Variants in PPARGC1A observed in about 807,000 individuals in gnomAD.
PPARGC1A encodes the protein PPARG coactivator 1 alpha.
PPARGC1A carries 25 observed loss-of-function variants against 88.7 expected under a neutral mutation model. That is an observed-to-expected ratio of 0.28 (90% CI 0.21 to 0.39). The LOEUF (loss-of-function observed/expected upper bound fraction) is 0.39. Among genes scored for constraint, PPARGC1A ranks in the 10% least tolerant of loss-of-function variants. The pLI is 1.00. For synonymous variants in PPARGC1A, 363 were observed against 355.6 expected (o/e 1.02, Z -0.24); for missense variants, 880 against 968.7 (o/e 0.91, Z 1.22).
At chr4:24,132,506 T>C in the PPARGC1A span, among the ~76,000 whole-genome samples, 1 of 152,158 alleles carries the variant, frequency 6.6e-6, no homozygotes, top group African/African-American at 2.4e-5. Context: ...ACCATCACAT[T>C]GTTTAGTCAG....
At chr4:24,136,563 T>G in the PPARGC1A span, among the ~76,000 whole-genome samples, 4,943 of 152,216 alleles carry the variant, frequency 0.032, 221 homozygotes, top group East Asian at 0.099. Context: ...AGGGGTCGCC[T>G]TCAGCAGAAG....
the PPARGC1A span, among the ~76,000 whole-genome samples, chr4:24,272,018 G>A: frequency 1.3e-5 from 2 of 152,106 alleles, no homozygotes; most frequent in Non-Finnish European, 2.9e-5. Flanking sequence ...GTGGAGGTGT[G>A]CTGACTGTTA....
At chr4:24,472,042 G>A in the PPARGC1A span, among the ~76,000 whole-genome samples, 1 of 152,184 alleles carries the variant, frequency 6.6e-6, no homozygotes, top group Non-Finnish European at 1.5e-5. This position sits in a 1 kb window ranked among gnomAD's most constrained non-coding sequence, Gnocchi z 4.5. Context: ...GGTTGCGCTC[G>A]AGTTCCCTGG....
At chr4:24,369,760 C>G in the PPARGC1A span, among the ~76,000 whole-genome samples, 1 of 152,230 alleles carries the variant, frequency 6.6e-6, no homozygotes, top group African/African-American at 2.4e-5. Flanking sequence ...GAAGGCACAA[C>G]TGCCCCATCA....
the PPARGC1A span, among the ~76,000 whole-genome samples, chr4:24,208,675 G>GGAAAA: frequency 1.6e-5 from 2 of 126,124 alleles, no homozygotes; most frequent in African/African-American, 2.9e-5. Context: ...ACCAAACTCA[G>GGAAAA]AAAAAAAATA....
At chr4:24,192,782 T>A in the PPARGC1A span, among the ~76,000 whole-genome samples, 1 of 152,204 alleles carries the variant, frequency 6.6e-6, no homozygotes, top group Non-Finnish European at 1.5e-5. Flanking sequence ...CTGTATCCTA[T>A]TTTTATACAT....
chr4:24,156,212 T>C, the PPARGC1A span, among the ~76,000 whole-genome samples: 1 of 152,174 alleles, frequency 6.6e-6, no homozygotes, highest in African/African-American at 2.4e-5. Flanking sequence ...TTTTGGGATA[T>C]ATAACACAGG....
At chr4:23,797,505 T>G (rs1340369881) in intron 12 of PPARGC1A, among the ~76,000 whole-genome samples, 2 of 152,196 alleles carry the variant, frequency 1.3e-5, no homozygotes, top group East Asian at 3.8e-4. Context: ...CACACATACC[T>G]TTCCTTGAGG....
At chr4:24,190,121 G>A in the PPARGC1A span, among the ~76,000 whole-genome samples, 4 of 152,104 alleles carry the variant, frequency 2.6e-5, no homozygotes, top group African/African-American at 7.2e-5. Flanking sequence ...GTCAGTAATC[G>A]GCTTCTTTGC....
the PPARGC1A span, among the ~76,000 whole-genome samples, chr4:23,960,607 A>T: frequency 5.3e-5 from 8 of 152,236 alleles, 1 homozygote; most frequent in South Asian, 1.7e-3. Flanking sequence ...TTATCCTGTG[A>T]AAATGACTAC....
At chr4:24,226,443 G>A in the PPARGC1A span, among the ~76,000 whole-genome samples, 1 of 152,230 alleles carries the variant, frequency 6.6e-6, no homozygotes, top group African/African-American at 2.4e-5. Flanking sequence ...GAGACATGAA[G>A]AGAGGGAAGG....
At chr4:24,365,753 G>A in the PPARGC1A span, among the ~76,000 whole-genome samples, 5 of 151,944 alleles carry the variant, frequency 3.3e-5, no homozygotes, top group African/African-American at 9.7e-5. Context: ...GTCTTTATTA[G>A]CAATAGTTTT....
At chr4:23,926,763 G>C in the PPARGC1A span, among the ~76,000 whole-genome samples, 1 of 152,134 alleles carries the variant, frequency 6.6e-6, no homozygotes, top group Non-Finnish European at 1.5e-5. Flanking sequence ...CTGCCTGCTT[G>C]AGGCCATGTT....
the PPARGC1A span, among the ~76,000 whole-genome samples, chr4:24,100,922 C>T: frequency 6.6e-6 from 1 of 152,200 alleles, no homozygotes; most frequent in African/African-American, 2.4e-5. Context: ...AAATAAACTA[C>T]AATTTACAGG....
the PPARGC1A span, among the ~76,000 whole-genome samples, chr4:24,265,678 T>G: frequency 2.0e-5 from 3 of 152,076 alleles, no homozygotes; most frequent in Non-Finnish European, 4.4e-5. Context: ...ATTTTATATA[T>G]GCTGCTTTCC....
the PPARGC1A span, among the ~76,000 whole-genome samples, chr4:23,990,387 C>T: frequency 0.94 from 142,571 of 151,904 alleles, 66,965 homozygotes; most frequent in Admixed American, 0.96. Flanking sequence ...TTACACAGCA[C>T]CACCTTATCA....
the PPARGC1A span, among the ~76,000 whole-genome samples, chr4:24,074,472 TG>T: frequency 6.6e-6 from 1 of 152,310 alleles, no homozygotes; most frequent in Non-Finnish European, 1.5e-5. Flanking sequence ...CCAGCTTTAT[TG>T]AAGTATATAA....
the PPARGC1A span, among the ~76,000 whole-genome samples, chr4:24,097,248 A>C: frequency 6.6e-6 from 1 of 152,210 alleles, no homozygotes; most frequent in Non-Finnish European, 1.5e-5. Flanking sequence ...GCAAATATTC[A>C]ATCTAGAGGA....
chr4:24,012,841 C>A, the PPARGC1A span, among the ~76,000 whole-genome samples: 4 of 152,046 alleles, frequency 2.6e-5, no homozygotes, highest in Non-Finnish European at 4.4e-5. Context: ...TGCAGCATTC[C>A]TTTGTAGCTC....
Sources: gnomAD v4.1 joint callset for allele counts (sites outside exome capture counted in the v4.1 genomes callset) on GRCh38, gnomAD v4.1.1 for gene constraint, Gnocchi (gnomAD v3.1) non-coding constraint, MANE v1.5 for transcripts, NCBI Gene and HGNC (gene_info 2026-07-23, HGNC 2026-07-21) for gene names.